The following SCHIP1 variants were observed in gnomAD, a reference collection of about 807,000 sequenced individuals.
The protein encoded by SCHIP1 is schwannomin interacting protein 1, also known as schwannomin-interacting protein 1.
Under a neutral mutation model 29.7 loss-of-function variants are expected in SCHIP1, and 8 were observed. The ratio of observed to expected loss-of-function variants is 0.27; its 90% CI spans 0.16 to 0.49. The LOEUF is 0.49. Among genes scored for constraint, SCHIP1 ranks in the 20% least tolerant of loss-of-function variants. SCHIP1 has a pLI of 0.99. For missense variants in SCHIP1, 193 were observed against 294.6 expected, an observed-to-expected ratio of 0.66 and a Z score of 2.52; for synonymous variants, 76 against 94.9, an observed-to-expected ratio of 0.80 and a Z score of 1.16.
the SCHIP1 span, among the ~76,000 whole-genome samples, chr3:159,343,516 T>C: frequency 1.3e-5 from 2 of 152,194 alleles, no homozygotes; most frequent in African/African-American, 4.8e-5. Flanking sequence ...CATGTTCTTC[T>C]TGGGCCAGCA....
chr3:159,873,292 A>T (rs1306302225), intron 2 of SCHIP1, among the ~76,000 whole-genome samples: 1 of 152,196 alleles, frequency 6.6e-6, no homozygotes, highest in Non-Finnish European at 1.5e-5. Flanking sequence ...GGTGAGTGGG[A>T]TCTTTGGCAA....
chr3:159,587,149 T>C, the SCHIP1 span, among the ~76,000 whole-genome samples: 1 of 152,178 alleles, frequency 6.6e-6, no homozygotes, highest in Admixed American at 6.5e-5. Flanking sequence ...GTCTGATTCA[T>C]TAACTAAGAG....
At chr3:159,742,962 C>A in the SCHIP1 span, among the ~76,000 whole-genome samples, 1 of 150,958 alleles carries the variant, frequency 6.6e-6, no homozygotes, top group Non-Finnish European at 1.5e-5. Context: ...GCTGGGATTA[C>A]GGGTATGAGC....
the SCHIP1 span, among the ~76,000 whole-genome samples, chr3:159,811,657 T>G: frequency 1.3e-5 from 2 of 152,242 alleles, no homozygotes. Flanking sequence ...TCTACCCTTA[T>G]GCCAGTACCA....
chr3:159,423,368 T>C, the SCHIP1 span, among the ~76,000 whole-genome samples: 1 of 152,218 alleles, frequency 6.6e-6, no homozygotes, highest in South Asian at 2.1e-4. Flanking sequence ...ACTGCACTTT[T>C]CCGACGGGCT....
chr3:159,350,912 T>G, the SCHIP1 span, among the ~76,000 whole-genome samples: 1 of 152,236 alleles, frequency 6.6e-6, no homozygotes, highest in Non-Finnish European at 1.5e-5. Flanking sequence ...TGATGAATAC[T>G]TCTAAGATTT....
chr3:159,543,346 C>T, the SCHIP1 span, among the ~76,000 whole-genome samples: 1 of 126,028 alleles, frequency 7.9e-6, no homozygotes, highest in Non-Finnish European at 1.7e-5. Flanking sequence ...TCTCCTAATG[C>T]TATCCCTCCC....
chr3:159,581,578 A>G, the SCHIP1 span, among the ~76,000 whole-genome samples: 1 of 152,062 alleles, frequency 6.6e-6, no homozygotes, highest in Non-Finnish European at 1.5e-5. Flanking sequence ...AGCCTCCCCC[A>G]TGATATCAGA....
chr3:159,596,513 G>A, the SCHIP1 span, among the ~76,000 whole-genome samples: 1 of 152,056 alleles, frequency 6.6e-6, no homozygotes, highest in Admixed American at 6.6e-5. Flanking sequence ...TGTTTATTGT[G>A]GCACTATTCA....
At chr3:159,879,172 T>C (rs1716186056) in intron 2 of SCHIP1, among the ~76,000 whole-genome samples, 1 of 152,130 alleles carries the variant, frequency 6.6e-6, no homozygotes. Flanking sequence ...TAGCCCATCA[T>C]ATATTTCACC....
chr3:159,843,001 C>CTTCTTTTTTTTTTTTTTT (rs1744394617), intron 1 of SCHIP1, among the ~76,000 whole-genome samples: 17 of 63,734 alleles, frequency 2.7e-4, no homozygotes, highest in African/African-American at 8.0e-4. Flanking sequence ...ATATTTCTTT[C>CTTCTTTTTTTTTTTTTTT]TTTTTTTTTT....
the SCHIP1 span, among the ~76,000 whole-genome samples, chr3:159,278,536 T>C: frequency 6.6e-6 from 1 of 152,216 alleles, no homozygotes; most frequent in African/African-American, 2.4e-5. Context: ...GACTGTCAAA[T>C]CTCTAATGAG....
the SCHIP1 span, among the ~76,000 whole-genome samples, chr3:159,419,256 T>C: frequency 6.6e-6 from 1 of 152,154 alleles, no homozygotes; most frequent in Non-Finnish European, 1.5e-5. Context: ...AATGGGGATA[T>C]GAAATCTGTC....
At chr3:159,425,450 A>C in the SCHIP1 span, among the ~76,000 whole-genome samples, 1 of 152,020 alleles carries the variant, frequency 6.6e-6, no homozygotes, top group East Asian at 1.9e-4. Context: ...AAAGAAGGCC[A>C]TTACATAATG....
chr3:159,795,588 A>G, the SCHIP1 span, among the ~76,000 whole-genome samples: 1 of 152,208 alleles, frequency 6.6e-6, no homozygotes, highest in Non-Finnish European at 1.5e-5. Flanking sequence ...TGACATGCAA[A>G]GAGTCCCTGG....
At chr3:159,314,049 A>T in the SCHIP1 span, among the ~76,000 whole-genome samples, 1 of 152,176 alleles carries the variant, frequency 6.6e-6, no homozygotes, top group Non-Finnish European at 1.5e-5. Context: ...GTATAAAGTG[A>T]TATCTGTCAG....
the SCHIP1 span, among the ~76,000 whole-genome samples, chr3:159,287,540 T>TA: frequency 1.3e-5 from 2 of 152,068 alleles, no homozygotes; most frequent in African/African-American, 4.8e-5. Flanking sequence ...TATTGGAGAA[T>TA]AAACCGCATT....
the SCHIP1 span, among the ~76,000 whole-genome samples, chr3:159,447,772 G>T: frequency 6.6e-6 from 1 of 152,112 alleles, no homozygotes; most frequent in East Asian, 1.9e-4. Flanking sequence ...TGAGTGAAGG[G>T]GGTAGTATTT....
the SCHIP1 span, chr3:159,386,696 T>C: frequency 1.3e-5 from 2 of 152,196 alleles, no homozygotes; most frequent in African/African-American, 2.4e-5. Context: ...AAAACAGATA[T>C]ATAGAGCATT....
Sources: allele counts gnomAD v4.1 joint callset (sites outside exome capture counted in the v4.1 genomes callset), GRCh38; gene constraint gnomAD v4.1.1; transcripts MANE v1.5; gene names NCBI Gene and HGNC (gene_info 2026-07-23, HGNC 2026-07-21).